The following RAP1A variants were observed in gnomAD, a reference collection of about 807,000 sequenced individuals.
RAP1A encodes ras-related protein Rap-1A.
A neutral mutation model predicts 26.4 loss-of-function variants in RAP1A; 6 were observed. That is an observed-to-expected ratio of 0.23 (90% CI 0.12 to 0.45). The LOEUF (loss-of-function observed/expected upper bound fraction) is 0.45. Among genes scored for constraint, RAP1A ranks in the 20% least tolerant of loss-of-function variants. RAP1A has a pLI of 0.99. For missense variants in RAP1A, 121 were observed against 217.2 expected, an observed-to-expected ratio of 0.56 and a Z score of 2.78; for synonymous variants, 73 against 79.4, an observed-to-expected ratio of 0.92 and a Z score of 0.43.
At chr1:111,553,410 A>G (rs1346999050) in intron 1 of RAP1A, among the ~76,000 whole-genome samples, 3 of 152,206 alleles carry the variant, frequency 2.0e-5, no homozygotes, top group South Asian at 4.1e-4. Context: ...CCACTATGCT[A>G]TGATTAATAG....
At chr1:111,603,955 T>TA (rs1255172362) in intron 1 of RAP1A, among the ~76,000 whole-genome samples, 5 of 152,230 alleles carry the variant, frequency 3.3e-5, no homozygotes, top group Admixed American at 6.5e-5. Flanking sequence ...CTGGGCCACT[T>TA]ACTCTTTGCC....
Position 111,555,648 on chromosome 1 carries a change from A to G in RAP1A, c.-28+13139A>G, listed in dbSNP as rs939622487. Among the ~76,000 whole-genome samples, 8 of 152,150 alleles carry G rather than the reference A, an allele frequency of 5.3e-5. No individual in the cohort carries two copies. The East Asian group carries it at 1.5e-3, about 29-fold the overall frequency. On this transcript the variant is annotated intron_variant, in intron 1 of 7. Coordinates refer to the RAP1A transcript ENST00000356415. The stretch of plus-strand genomic sequence containing the variant: ...ATTCACCTTCCCAAAAGAGGGATTA[A>G]AAAGGTAATATTCAAAGAGATACTG...
chr1:111,610,898 T>C (rs1290964815), intron 1 of RAP1A, among the ~76,000 whole-genome samples: 1 of 152,256 alleles, frequency 6.6e-6, no homozygotes, highest in Non-Finnish European at 1.5e-5. Context: ...TTTAAGGTAG[T>C]ATTCCCATTT....
intron 1 of RAP1A, among the ~76,000 whole-genome samples, chr1:111,574,741 C>T (rs1489322962): frequency 6.6e-6 from 1 of 152,206 alleles, no homozygotes; most frequent in Non-Finnish European, 1.5e-5. Flanking sequence ...GAGTCAGTAA[C>T]TGTAGTAAAT....
Position 111,570,879 on chromosome 1 carries a change from C to G in RAP1A, c.-28+28370C>G, listed in dbSNP as rs555563115. 2.0e-5 allele frequency among the ~76,000 whole-genome samples: 3 copies of G among 152,326 alleles called. No homozygotes were observed. In the East Asian group the frequency reaches 5.8e-4, roughly 29 times the overall value. ...CCTCCGTGACTCAAACAACTCCCAC[C>G]AAGCGCCACTTCCCAATTCAGCCAC... On this transcript the variant is annotated intron_variant, in intron 1 of 7. Coordinates refer to the RAP1A transcript ENST00000356415.
At chr1:111,641,863 A>G (rs1343406222) in intron 1 of RAP1A, among the ~76,000 whole-genome samples, 1 of 152,200 alleles carries the variant, frequency 6.6e-6, no homozygotes, top group Admixed American at 6.5e-5. Flanking sequence ...TGCTAGAGCC[A>G]CAGTGCCAGA....
At chr1:111,630,788 C>T (rs887103320) in intron 1 of RAP1A, among the ~76,000 whole-genome samples, 4 of 152,178 alleles carry the variant, frequency 2.6e-5, no homozygotes, top group African/African-American at 9.7e-5. Flanking sequence ...CTTGTCATCA[C>T]AAGGCTAGGA....
At chr1:111,625,797 T>TTTTCTA (rs1659381752) in intron 1 of RAP1A, among the ~76,000 whole-genome samples, 1 of 152,186 alleles carries the variant, frequency 6.6e-6, no homozygotes, top group Non-Finnish European at 1.5e-5. Context: ...TTCTTTTTCT[T>TTTTCTA]TTTCTATTTC....
chr1:111,549,231 A>T (rs35375890), intron 1 of RAP1A, among the ~76,000 whole-genome samples: 14,089 of 152,002 alleles, frequency 0.093, 801 homozygotes, highest in Middle Eastern at 0.15. Flanking sequence ...TTATTTTTTT[A>T]AAAAATCTTT....
At chr1:111,579,206 A>G (rs12729884) in intron 1 of RAP1A, among the ~76,000 whole-genome samples, 81,927 of 151,920 alleles carry the variant, frequency 0.54, 22,881 homozygotes, top group Non-Finnish European at 0.6. Context: ...GAAAGTTCCA[A>G]TCCTCTAATC....
At chr1:111,683,342 GAC>G (rs545291540) in intron 1 of RAP1A, among the ~76,000 whole-genome samples, 3,761 of 151,814 alleles carry the variant, frequency 0.025, 141 homozygotes, top group African/African-American at 0.085. Flanking sequence ...AGGAGATAGA[GAC>G]ACAAAAAAAA....
chr1:111,660,788 C>G (rs1371347728), intron 1 of RAP1A, among the ~76,000 whole-genome samples: 1 of 152,144 alleles, frequency 6.6e-6, no homozygotes, highest in Non-Finnish European at 1.5e-5. Flanking sequence ...AATATCTTAC[C>G]TTCTCTTCTC....
At chr1:111,656,148 A>T (rs1158963967) in intron 1 of RAP1A, among the ~76,000 whole-genome samples, 1 of 152,066 alleles carries the variant, frequency 6.6e-6, no homozygotes, top group Admixed American at 6.6e-5. Context: ...TAGTTAAATT[A>T]CTGTACATTT....
intron 1 of RAP1A, among the ~76,000 whole-genome samples, chr1:111,688,831 T>C (rs1221084486): frequency 7.3e-6 from 1 of 137,584 alleles, no homozygotes; most frequent in Admixed American, 7.0e-5. Flanking sequence ...TGTTTTTTTT[T>C]TTGTTTTTTT....
At chr1:111,649,398 C>G in intron 1 of RAP1A, 1 of 363,370 alleles carries the variant, frequency 2.8e-6, no homozygotes, top group Middle Eastern at 9.2e-4. Context: ...CCCAAGCTGT[C>G]CCAGAAGCTG....
At chr1:111,558,843 T>G (rs7526041) in intron 1 of RAP1A, among the ~76,000 whole-genome samples, 16,112 of 152,174 alleles carry the variant, frequency 0.11, 2,172 homozygotes, top group African/African-American at 0.31. Context: ...TGATAGAATC[T>G]CTGCTTAAAA....
chr1:111,658,152 T>C (rs1660524546), intron 1 of RAP1A, among the ~76,000 whole-genome samples: 1 of 152,194 alleles, frequency 6.6e-6, no homozygotes, highest in South Asian at 2.1e-4. Flanking sequence ...AGAAATATAT[T>C]ATTAGGCAAT....
chr1:111,698,621 A>G (rs1247433471), intron 4 of RAP1A, among the ~76,000 whole-genome samples: 2 of 152,182 alleles, frequency 1.3e-5, no homozygotes, highest in Non-Finnish European at 1.5e-5. Context: ...GTTTTCCACT[A>G]TAATTTTTAT....
chr1:111,697,540 G>T, intron 4 of RAP1A, 43 bp downstream of exon 4: 1 of 1,606,270 alleles, frequency 6.2e-7, no homozygotes, highest in Non-Finnish European at 8.5e-7. Context: ...TAATTTGTGA[G>T]CAGGTTTTGT....
Sources: allele counts gnomAD v4.1 joint callset (sites outside exome capture counted in the v4.1 genomes callset), GRCh38; gene constraint gnomAD v4.1.1; transcripts MANE v1.5; gene names NCBI Gene and HGNC (gene_info 2026-07-23, HGNC 2026-07-21).